The following PAM variants were observed in gnomAD, a reference collection of about 807,000 sequenced individuals.
The protein encoded by PAM is peptidyl-glycine alpha-amidating monooxygenase.
PAM carries 72 observed loss-of-function variants against 122.1 expected under a neutral mutation model. That is an observed-to-expected ratio of 0.59 (90% CI 0.49 to 0.72). PAM has a LOEUF of 0.72. Among genes scored for constraint, PAM ranks in the 30% least tolerant of loss-of-function variants. The probability of loss-of-function intolerance (pLI) is 0.00; values close to 1 mark genes in which losing one functional copy is unlikely to be tolerated. For synonymous variants in PAM, 389 were observed against 404.4 expected (o/e 0.96, Z 0.46); for missense variants, 1,106 against 1,183.7 (o/e 0.93, Z 0.96).
At chr5:102,791,187 T>A (rs2149993989) in intron 1 of PAM, among the ~76,000 whole-genome samples, 1 of 152,216 alleles carries the variant, frequency 6.6e-6, no homozygotes, top group East Asian at 1.9e-4. Flanking sequence ...ATGAAAATAC[T>A]TTTAGATTAA....
At chr5:102,912,154 A>G (rs1801595275) in intron 4 of PAM, among the ~76,000 whole-genome samples, 1 of 152,002 alleles carries the variant, frequency 6.6e-6, no homozygotes, top group African/African-American at 2.4e-5. Context: ...CAAAATTCCA[A>G]GAATGATTCA....
intron 1 of PAM, among the ~76,000 whole-genome samples, chr5:102,851,105 C>T (rs1447964035): frequency 2.6e-5 from 4 of 152,138 alleles, no homozygotes; most frequent in Non-Finnish European, 5.9e-5. Flanking sequence ...ATGCACGATT[C>T]ATTTAGAAAA....
chr5:102,957,647 A>T lies in PAM; in HGVS notation c.906-2228A>T, dbSNP rs565473923. On this transcript the variant is annotated intron_variant, in intron 12 of 25. Transcript: ENST00000438793. ...TGTGTTCAAGCAATTCTCCTGCCTCAGCCTCTTGAGTAGTTGGGATTACAG... is the reference window on the plus strand; with the variant it reads ...TGTGTTCAAGCAATTCTCCTGCCTCTGCCTCTTGAGTAGTTGGGATTACAG... Among the ~76,000 whole-genome samples, 12 of 152,010 alleles carry T rather than the reference A, an allele frequency of 7.9e-5. 1 individual carries two copies. In the East Asian group the frequency reaches 1.2e-3, roughly 15 times the overall value.
intron 1 of PAM, among the ~76,000 whole-genome samples, chr5:102,862,374 A>G (rs1784432283): frequency 6.6e-6 from 1 of 152,124 alleles, no homozygotes; most frequent in South Asian, 2.1e-4. Flanking sequence ...CAATACTAGT[A>G]AACATTTTTA....
At chr5:102,819,273 C>G (rs1770916271) in intron 1 of PAM, among the ~76,000 whole-genome samples, 1 of 151,978 alleles carries the variant, frequency 6.6e-6, no homozygotes, top group East Asian at 1.9e-4. Flanking sequence ...AAAATAATAG[C>G]AAACAGAAAA....
At chr5:102,981,243 C>A (rs1008877200) in intron 15 of PAM, among the ~76,000 whole-genome samples, 3 of 152,138 alleles carry the variant, frequency 2.0e-5, no homozygotes, top group Non-Finnish European at 4.4e-5. Flanking sequence ...TCATATTTGG[C>A]CCCAAAATAA....
intron 1 of PAM, among the ~76,000 whole-genome samples, chr5:102,779,222 G>T (rs1757947505): frequency 6.6e-6 from 1 of 150,512 alleles, no homozygotes; most frequent in South Asian, 2.1e-4. Flanking sequence ...ATATATATGT[G>T]TGTGTATATA....
Position 103,007,484 on chromosome 5 carries a change from G to A in PAM, c.2042G>A (p.Gly681Asp). 1 of 1,613,974 alleles carries A rather than the reference G, an allele frequency of 6.2e-7. No homozygotes were observed. Among genetic ancestry groups the A allele is most frequent in the Non-Finnish European group, 8.5e-7 (1 of 1,179,962 alleles). The change falls in exon 20 of 26, where the codon GGC becomes GAC. Residue 681 changes from glycine to aspartate, a missense_variant. Gly to Asp is a moderately conservative substitution (Grantham distance 94, BLOSUM62 -1). This residue lies in a region of PAM where 103 missense variants were observed against 157.9 expected (regional missense o/e 0.65). Coordinates refer to ENST00000438793, the MANE Select transcript of PAM (RefSeq NM_001177306.2). Reference sequence around the variant, plus strand: ...TCTTCAGGGAGCAGTCCTCTGCCAGGCCAGTTCACTGTTCCTCACAGCTTG... The same window carrying A: ...TCTTCAGGGAGCAGTCCTCTGCCAGACCAGTTCACTGTTCCTCACAGCTTG... Reference protein sequence around the residue: ...EESSGSSPLPGQFTVPHSLAL... With the variant: ...EESSGSSPLPDQFTVPHSLAL...
chr5:102,826,722 C>G (rs1269447727), intron 1 of PAM, among the ~76,000 whole-genome samples: 4 of 152,166 alleles, frequency 2.6e-5, no homozygotes. Flanking sequence ...TAATCTTATG[C>G]TCCTTGACAG....
At chr5:103,013,803 G>A (rs1468087159) in intron 21 of PAM, among the ~76,000 whole-genome samples, 1 of 152,106 alleles carries the variant, frequency 6.6e-6, no homozygotes, top group African/African-American at 2.4e-5. Context: ...GTTCACTGGA[G>A]CTTTAAGCCA....
chr5:102,809,520 C>T (rs752464485), intron 1 of PAM, among the ~76,000 whole-genome samples: 3 of 152,070 alleles, frequency 2.0e-5, no homozygotes, highest in Non-Finnish European at 4.4e-5. Context: ...TATAGTTGAA[C>T]GTTTATTCTG....
At chr5:102,910,253 C>G (rs537356718) in intron 4 of PAM, among the ~76,000 whole-genome samples, 1 of 151,880 alleles carries the variant, frequency 6.6e-6, no homozygotes, top group South Asian at 2.1e-4. Flanking sequence ...TCCCAAACAC[C>G]CCATGCAATG....
chr5:103,007,073 T>C (rs1407525273), intron 19 of PAM, 62 bp downstream of exon 19: 4 of 1,231,554 alleles, frequency 3.2e-6, no homozygotes, highest in Non-Finnish European at 3.5e-6. Context: ...GGGAACTAAA[T>C]ATTGGCCAAC....
intron 1 of PAM, among the ~76,000 whole-genome samples, chr5:102,807,484 T>C (rs1357012904): frequency 6.6e-6 from 1 of 151,636 alleles, no homozygotes; most frequent in East Asian, 1.9e-4. Context: ...ACCAGAAAAC[T>C]GTGGCAGTAG....
chr5:102,974,489 T>G, intron 15 of PAM, 53 bp downstream of exon 15: 1 of 1,183,936 alleles, frequency 8.4e-7, no homozygotes, highest in South Asian at 1.4e-5. Flanking sequence ...ACAATCCACG[T>G]TAGCAAAACC....
intron 16 of PAM, among the ~76,000 whole-genome samples, chr5:103,001,550 G>A (rs538810714): frequency 6.6e-6 from 1 of 152,146 alleles, no homozygotes; most frequent in South Asian, 2.1e-4. Context: ...GATTGACAAA[G>A]CTGAATCAAT....
At chr5:102,910,151 G>A (rs1800947103) in intron 4 of PAM, among the ~76,000 whole-genome samples, 1 of 151,798 alleles carries the variant, frequency 6.6e-6, no homozygotes, top group Admixed American at 6.6e-5. Context: ...AGGGAAAAAT[G>A]GAGAACTAAA....
chr5:102,963,016 A>C (rs1158296240), intron 14 of PAM, among the ~76,000 whole-genome samples: 3 of 151,880 alleles, frequency 2.0e-5, no homozygotes, highest in Non-Finnish European at 4.4e-5. Flanking sequence ...TGAGAATAAA[A>C]AAGCATTCTG....
At chr5:102,906,421 T>C (rs1404816745) in intron 4 of PAM, among the ~76,000 whole-genome samples, 1 of 151,620 alleles carries the variant, frequency 6.6e-6, no homozygotes, top group Non-Finnish European at 1.5e-5. Flanking sequence ...GAAGATGACC[T>C]ATTTGAATAT....
Sources: allele counts gnomAD v4.1 joint callset (sites outside exome capture counted in the v4.1 genomes callset), GRCh38; gene constraint gnomAD v4.1.1; regional missense constraint gnomAD v4.1.1; transcripts MANE v1.5; gene names NCBI Gene and HGNC (gene_info 2026-07-23, HGNC 2026-07-21).